The following TMEM248 variants were observed in gnomAD, a reference collection of about 807,000 sequenced individuals.
TMEM248 encodes the protein transmembrane protein 248, also known as UPF0458 protein C7orf42.
TMEM248 carries 9 observed loss-of-function variants against 30.3 expected under a neutral mutation model. The observed-to-expected ratio is 0.30, with a 90% confidence interval of 0.18 to 0.52. The LOEUF (loss-of-function observed/expected upper bound fraction) is 0.52, where lower values mean the gene tolerates loss of function less well. Ranked by LOEUF, TMEM248 falls within the 20% of genes least tolerant of loss-of-function variation. The probability of loss-of-function intolerance (pLI) is 0.97; values close to 1 mark genes in which losing one functional copy is unlikely to be tolerated. For synonymous variants in TMEM248, 184 were observed against 154.4 expected (o/e 1.19, Z -1.42); for missense variants, 338 against 403.3 (o/e 0.84, Z 1.39).
Position 66,957,957 on chromosome 7 carries a change from A to AGAGGAGGCCTGGGGGCCTGGAC in TMEM248, c.*2438_*2459dup, listed in dbSNP as rs1316063581. ...GTTTATAAAGGAAGGCTGAGGGGAGAGAGGAGGCCTGGGGGCCTGGACGAA... is the reference window on the plus strand; with the variant it reads ...GTTTATAAAGGAAGGCTGAGGGGAGAGAGGAGGCCTGGGGGCCTGGACGAGGAGGCCTGGGGGCCTGGACGAA... On this transcript the variant is annotated 3_prime_UTR_variant, in exon 7 of 7. Coordinates refer to ENST00000341567, the MANE Select transcript of TMEM248 (RefSeq NM_017994.5). The AGAGGAGGCCTGGGGGCCTGGAC allele has an allele frequency of 1.6e-4, 24 of 152,396 alleles. No individual in the cohort carries two copies. Among genetic ancestry groups the AGAGGAGGCCTGGGGGCCTGGAC allele is most frequent in the Middle Eastern group, 3.4e-3 (1 of 294 alleles). The allele number at this position is 152,396 out of a possible 1,614,324, so 9.4% of individuals were successfully genotyped here.
chr7:66,954,472 T>C (rs1012317392), intron 6 of TMEM248, among the ~76,000 whole-genome samples: 5 of 149,726 alleles, frequency 3.3e-5, no homozygotes, highest in Admixed American at 2.7e-4. Context: ...GACTCAATCA[T>C]AGTTCACTGC....
chr7:66,945,052 C>G lies in TMEM248; in HGVS notation c.236C>G (p.Thr79Arg). The change falls in exon 3 of 7, where the codon ACA becomes AGA. Residue 79 changes from threonine (T) to arginine (R), a missense_variant. Coordinates refer to ENST00000341567, the MANE Select transcript of TMEM248 (RefSeq NM_017994.5). ...VSENETLKHL[T>R]NDTTTPESTM... Reference sequence around the variant, plus strand: ...GAGAATGAAACCCTCAAGCATCTCACAAACGACACCACAACTCCGGAAAGT... The same window carrying G: ...GAGAATGAAACCCTCAAGCATCTCAGAAACGACACCACAACTCCGGAAAGT... 1 of 1,614,228 alleles carries G rather than the reference C, an allele frequency of 6.2e-7. No individual in the cohort carries two copies. Among genetic ancestry groups the G allele is most frequent in the South Asian group, 1.1e-5 (1 of 91,082 alleles).
intron 5 of TMEM248, 106 bp downstream of exon 5, chr7:66,951,241 C>G (rs768863742): frequency 9.2e-7 from 1 of 1,088,476 alleles, no homozygotes; most frequent in South Asian, 2.5e-5. Context: ...CCTGGGTAAG[C>G]GTATCCTCTG....
chr7:66,942,098 T>C, intron 2 of TMEM248, 74 bp downstream of exon 2: 1 of 1,492,152 alleles, frequency 6.7e-7, no homozygotes, highest in Non-Finnish European at 9.1e-7. Flanking sequence ...GCTTGCCATA[T>C]AGCTTTCTTG....
chr7:66,954,383 A>ATTTT (rs557096964), intron 6 of TMEM248, among the ~76,000 whole-genome samples: 6 of 125,318 alleles, frequency 4.8e-5, no homozygotes, highest in Non-Finnish European at 6.9e-5. Context: ...TGCTTTTTTA[A>ATTTT]TTTTTTTTTT....
At chr7:66,922,257 A>C (rs554489496) in intron 1 of TMEM248, 1 of 152,218 alleles carries the variant, frequency 6.6e-6, no homozygotes, top group Non-Finnish European at 1.5e-5. Context: ...GTGAGCCGCT[A>C]CGGGAGGGAA....
chr7:66,935,834 A>G (rs1197713497), intron 1 of TMEM248, among the ~76,000 whole-genome samples: 1 of 152,164 alleles, frequency 6.6e-6, no homozygotes, highest in East Asian at 1.9e-4. Flanking sequence ...ATGAGCCACC[A>G]TGCCTGACCT....
Position 66,945,220 on chromosome 7 carries a change from A to G in TMEM248, c.404A>G (p.His135Arg). The change falls in exon 3 of 7, where the codon CAT (histidine) becomes CGT (arginine). Residue 135 changes from histidine to arginine, a missense_variant. His to Arg is a conservative substitution (Grantham distance 29, BLOSUM62 0). Coordinates refer to ENST00000341567, the MANE Select transcript of TMEM248 (RefSeq NM_017994.5). ...PFGGYSRNVT[H>R]LYSTILGHQI... ...GGAGGGTATTCCCGCAACGTCACCCATCTGTACTCAACCATCTTAGGGCAT... is the reference window on the plus strand; with the variant it reads ...GGAGGGTATTCCCGCAACGTCACCCGTCTGTACTCAACCATCTTAGGGCAT... 1 of 1,614,146 alleles carries G rather than the reference A, an allele frequency of 6.2e-7. No homozygotes were observed. The highest frequency in any genetic ancestry group is 8.5e-7 in the Non-Finnish European group (1 of 1,180,028).
chr7:66,937,460 G>A (rs1231776098), intron 1 of TMEM248, among the ~76,000 whole-genome samples: 1 of 152,202 alleles, frequency 6.6e-6, no homozygotes, highest in Non-Finnish European at 1.5e-5. Context: ...GAGTGTTGAA[G>A]TCTCCAGCTA....
At chr7:66,930,423 G>A (rs1791633982) in intron 1 of TMEM248, among the ~76,000 whole-genome samples, 1 of 152,206 alleles carries the variant, frequency 6.6e-6, no homozygotes. Context: ...GAAGGAAGGG[G>A]TGGCCAGATG....
chr7:66,950,883 G>C, intron 4 of TMEM248, 69 bp from the exon 5 acceptor site: 1 of 1,332,268 alleles, frequency 7.5e-7, no homozygotes, highest in Non-Finnish European at 1.0e-6. Flanking sequence ...ACCAGCTGCT[G>C]TGGGGGTGAC....
chr7:66,941,070 C>T (rs1420371632), intron 1 of TMEM248, among the ~76,000 whole-genome samples: 1 of 151,894 alleles, frequency 6.6e-6, no homozygotes, highest in Non-Finnish European at 1.5e-5. Flanking sequence ...GGCAACATAG[C>T]GAGACCCCAT....
intron 1 of TMEM248, among the ~76,000 whole-genome samples, chr7:66,934,570 G>A (rs1027808967): frequency 1.3e-5 from 2 of 152,152 alleles, no homozygotes. Flanking sequence ...ATTGGCTTAT[G>A]TTGACAATAT....
At chr7:66,948,334 T>C (rs1451757097) in intron 3 of TMEM248, among the ~76,000 whole-genome samples, 3 of 152,184 alleles carry the variant, frequency 2.0e-5, no homozygotes, top group South Asian at 2.1e-4. Context: ...TACTGGAAAG[T>C]GGCCACTTCC....
At chr7:66,939,139 C>T (rs796491042) in intron 1 of TMEM248, among the ~76,000 whole-genome samples, 4 of 152,322 alleles carry the variant, frequency 2.6e-5, no homozygotes, top group African/African-American at 9.6e-5. Flanking sequence ...AGTGTTGGCA[C>T]AAATCTCATG....
chr7:66,946,288 T>G (rs1792105402), intron 3 of TMEM248, among the ~76,000 whole-genome samples: 1 of 150,624 alleles, frequency 6.6e-6, no homozygotes, highest in African/African-American at 2.4e-5. Context: ...AGACAATGCC[T>G]AAGATGGGCC....
intron 2 of TMEM248, among the ~76,000 whole-genome samples, 183 bp downstream of exon 2, chr7:66,942,207 T>C (rs1791982148): frequency 6.6e-6 from 1 of 152,200 alleles, no homozygotes; most frequent in South Asian, 2.1e-4. Context: ...AATACCTAGA[T>C]GGGTATTGTT....
intron 4 of TMEM248, 86 bp from the exon 5 acceptor site, chr7:66,950,866 G>A (rs898908064): frequency 7.8e-6 from 9 of 1,153,486 alleles, no homozygotes; most frequent in Non-Finnish European, 1.1e-5. Flanking sequence ...GCCGTGTTCA[G>A]TGTTTTACCA....
chr7:66,953,448 T>G, intron 6 of TMEM248, 79 bp downstream of exon 6: 1 of 1,541,286 alleles, frequency 6.5e-7, no homozygotes, highest in Non-Finnish European at 8.8e-7. Context: ...CCTTATTCTA[T>G]TTATTGTGGG....
Sources: gnomAD v4.1 joint callset for allele counts (sites outside exome capture counted in the v4.1 genomes callset) on GRCh38, gnomAD v4.1.1 for gene constraint, MANE v1.5 for transcripts, NCBI Gene and HGNC (gene_info 2026-07-23, HGNC 2026-07-21) for gene names.